The following ZNHIT6 variants were observed in gnomAD, a reference collection of about 807,000 sequenced individuals.
ZNHIT6 encodes zinc finger HIT-type containing 6.
Under a neutral mutation model 57.2 loss-of-function variants are expected in ZNHIT6, and 45 were observed. The ratio of observed to expected loss-of-function variants is 0.79; its 90% confidence interval spans 0.62 to 1.01. The LOEUF (loss-of-function observed/expected upper bound fraction) is 1.01. ZNHIT6 is among the 50% of genes least tolerant of loss of function. The pLI is 0.00. For synonymous variants in ZNHIT6, 188 were observed against 190.0 expected (o/e 0.99, Z 0.09); for missense variants, 528 against 567.3 (o/e 0.93, Z 0.70).
rs1016969805 is a variant in ZNHIT6 at position 85,707,491 on chromosome 1, A to G, written c.656+138T>C. 27 of 892,834 alleles carry G rather than the reference A, an allele frequency of 3.0e-5. 1 individual carries two copies. The Middle Eastern group carries it at 7.3e-4, about 24-fold the overall frequency. The allele number at this position is 892,834 out of a possible 1,614,324, so 55.3% of individuals were successfully genotyped here. A position where few individuals can be genotyped will look rare whatever the true frequency, so the allele number is the denominator to read the frequency against. The stretch of plus-strand genomic sequence containing the variant: ...CTCCACTTCCCAACCCACCCCCGCG[A>G]ACGCCGTCTGACTCCAGAAACCCAA... On this transcript the variant is annotated intron_variant, in intron 1 of 9. Transcript: ENST00000370574.
chr1:85,691,876 C>G (rs1283587799), intron 5 of ZNHIT6, among the ~76,000 whole-genome samples: 1 of 151,840 alleles, frequency 6.6e-6, no homozygotes, highest in Non-Finnish European at 1.5e-5. Flanking sequence ...CAGAGTAAGA[C>G]TCTGTCTCAA....
In ZNHIT6 at chr1:85,652,646, C is replaced by T. The variant is rs1331749781; in HGVS notation, c.*1412G>A. 2 of 152,076 alleles carry T rather than the reference C, an allele frequency of 1.3e-5. No homozygotes were observed. The highest frequency in any genetic ancestry group is 1.3e-4 in the Admixed American group (2 of 15,256). 9.4% of individuals were successfully genotyped at this position (152,076 alleles called of 1,614,324 possible). Reference sequence around the variant, plus strand: ...TCCCACAAATTTATCTTCTGCTCATCTTCTCATTCTCTTTTCATATTTCAG... The same window carrying T: ...TCCCACAAATTTATCTTCTGCTCATTTTCTCATTCTCTTTTCATATTTCAG... On this transcript the variant is annotated 3_prime_UTR_variant, in exon 10 of 10. Transcript: ENST00000370574.
chr1:85,680,336 T>C (rs1661838654), intron 6 of ZNHIT6, among the ~76,000 whole-genome samples: 2 of 152,374 alleles, frequency 1.3e-5, no homozygotes, highest in South Asian at 4.1e-4. Flanking sequence ...TTCTGAGTGA[T>C]ACACTATAAT....
intron 8 of ZNHIT6, among the ~76,000 whole-genome samples, chr1:85,658,751 A>G (rs1047628052): frequency 5.9e-5 from 9 of 151,880 alleles, no homozygotes; most frequent in Non-Finnish European, 1.2e-4. Flanking sequence ...CATGCCTGTA[A>G]TCACAGCTAC....
Position 85,678,744 on chromosome 1 carries a change from GT to G in ZNHIT6, c.1125del (p.Lys375AsnfsTer12). On this transcript the variant is annotated frameshift_variant, in exon 7 of 10. Coordinates refer to ENST00000370574, the MANE Select transcript of ZNHIT6 (RefSeq NM_017953.4). LOFTEE classifies it high-confidence loss of function. ...PDDKTINEIL[K>X]PYIDPEKSDP... ...TCAGACTTTTCAGGATCAATGTAAG[GT>G]TTTAGGATTTCATTAATAGTTTTAT... The G allele has an allele frequency of 6.3e-7, 1 of 1,590,314 alleles. No homozygotes were observed. The highest frequency in any genetic ancestry group is 8.6e-7 in the Non-Finnish European group (1 of 1,168,334).
intron 8 of ZNHIT6, among the ~76,000 whole-genome samples, chr1:85,667,710 A>C (rs1570292949): frequency 1.3e-5 from 2 of 150,774 alleles, no homozygotes; most frequent in East Asian, 3.9e-4. Flanking sequence ...AGGCAGGCAG[A>C]TCACTTGAGG....
At chr1:85,680,790 G>T in intron 6 of ZNHIT6, 46 bp downstream of exon 6, 2 of 1,410,998 alleles carry the variant, frequency 1.4e-6, no homozygotes, top group Non-Finnish European at 2.0e-6. Flanking sequence ...TAAATACACA[G>T]CCTTCAAATT....
chr1:85,658,446 G>T (rs934833158), intron 8 of ZNHIT6, among the ~76,000 whole-genome samples: 2 of 152,036 alleles, frequency 1.3e-5, no homozygotes, highest in Admixed American at 6.5e-5. Flanking sequence ...TAGCTAGGAT[G>T]GTCTCGATCT....
At chr1:85,683,791 AG>A (rs1268311644) in intron 5 of ZNHIT6, among the ~76,000 whole-genome samples, 1 of 152,172 alleles carries the variant, frequency 6.6e-6, no homozygotes, top group African/African-American at 2.4e-5. Flanking sequence ...AAGACAGAGC[AG>A]GGTTTCTCAA....
rs1399195247 is a variant in ZNHIT6, at chr1:85,706,400, A to T, written c.722+42T>A. On this transcript the variant is annotated intron_variant, in intron 2 of 9. Coordinates refer to ENST00000370574, the MANE Select transcript of ZNHIT6 (RefSeq NM_017953.4). Reference sequence around the variant, plus strand: ...GTACTTTTATATTTTAGGGTAAGAAAGGTACAGATACAGGTTAAAAGGTAG... The same window carrying T: ...GTACTTTTATATTTTAGGGTAAGAATGGTACAGATACAGGTTAAAAGGTAG... The T allele has an allele frequency of 2.5e-6, 4 of 1,613,760 alleles. No individual in the cohort carries two copies. In the East Asian group the frequency reaches 8.9e-5, roughly 36 times the overall value.
chr1:85,685,985 G>A (rs1662023332), intron 5 of ZNHIT6, among the ~76,000 whole-genome samples: 1 of 144,878 alleles, frequency 6.9e-6, no homozygotes, highest in South Asian at 2.2e-4. Flanking sequence ...TTCTTGAGAT[G>A]GAGTCTCGCT....
At chr1:85,684,777 C>T (rs1345238499) in intron 5 of ZNHIT6, among the ~76,000 whole-genome samples, 1 of 152,140 alleles carries the variant, frequency 6.6e-6, no homozygotes, top group African/African-American at 2.4e-5. Context: ...TGAACACACA[C>T]ATTTAAGGAA....
intron 8 of ZNHIT6, among the ~76,000 whole-genome samples, chr1:85,663,765 A>T (rs1194783549): frequency 1.3e-5 from 2 of 152,220 alleles, no homozygotes; most frequent in African/African-American, 4.8e-5. Context: ...ACATTCGCTT[A>T]TCTGAAAAGA....
chr1:85,702,307 A>C lies in ZNHIT6; in HGVS notation c.916-47T>G. On this transcript the variant is annotated intron_variant, in intron 4 of 9. Transcript: ENST00000370574. ...ACAAATTAATTTTTAAATTCCTTAA[A>C]TTTAAAAAGTGAGTAAAACAATGTT... The C allele has an allele frequency of 8.5e-7, 1 of 1,180,224 alleles. No individual in the cohort carries two copies. Among genetic ancestry groups the C allele is most frequent in the Middle Eastern group, 2.2e-4 (1 of 4,602 alleles). 73.1% of individuals were successfully genotyped at this position (1,180,224 alleles called of 1,614,324 possible). A position where few individuals can be genotyped will look rare whatever the true frequency, so the allele number is the denominator to read the frequency against.
intron 8 of ZNHIT6, among the ~76,000 whole-genome samples, chr1:85,667,961 A>AAAAAAAAAAAAATATATATATATAT: frequency 3.8e-4 from 7 of 18,198 alleles, no homozygotes; most frequent in Non-Finnish European, 5.9e-4. Context: ...AAAAAAAAAA[A>AAAAAAAAAAAAATATATATATATAT]ATATATATAT....
intron 8 of ZNHIT6, among the ~76,000 whole-genome samples, chr1:85,662,949 C>T (rs1465012321): frequency 1.3e-5 from 2 of 152,180 alleles, no homozygotes; most frequent in Non-Finnish European, 2.9e-5. Context: ...TTACAAGGCT[C>T]TGACTTGTTC....
chr1:85,651,165 C>T lies in ZNHIT6; in HGVS notation c.*2893G>A, dbSNP rs1660895312. 2 of 152,032 alleles carry T rather than the reference C, an allele frequency of 1.3e-5. No individual in the cohort carries two copies. The highest frequency in any genetic ancestry group is 6.6e-5 in the Admixed American group (1 of 15,252). The allele number at this position is 152,032 out of a possible 1,614,324, so 9.4% of individuals were successfully genotyped here. On this transcript the variant is annotated 3_prime_UTR_variant, in exon 10 of 10. Transcript: ENST00000370574. ...AATTATATGTCATGAAACCCAAATCCCACTACTTGCTACAGGGAAACAAAC... is the reference window on the plus strand; with the variant it reads ...AATTATATGTCATGAAACCCAAATCTCACTACTTGCTACAGGGAAACAAAC...
At chr1:85,681,282 T>A (rs887503971) in intron 5 of ZNHIT6, among the ~76,000 whole-genome samples, 1 of 152,134 alleles carries the variant, frequency 6.6e-6, no homozygotes. Context: ...TCCAGCTGGC[T>A]GGAGATACAC....
intron 5 of ZNHIT6, among the ~76,000 whole-genome samples, chr1:85,686,997 T>C (rs984292498): frequency 5.3e-5 from 8 of 151,792 alleles, no homozygotes; most frequent in African/African-American, 1.9e-4. Context: ...AGGCCGGGCA[T>C]GGTGGCTCAT....
Sources: allele counts gnomAD v4.1 joint callset (sites outside exome capture counted in the v4.1 genomes callset), GRCh38; gene constraint gnomAD v4.1.1; transcripts MANE v1.5; gene names NCBI Gene and HGNC (gene_info 2026-07-23, HGNC 2026-07-21).